Variants in NFRKB observed in about 807,000 individuals in gnomAD.
NFRKB encodes nuclear factor related to kappaB binding protein.
In NFRKB, 62 loss-of-function variants were observed where a neutral mutation model predicts 135.7. The observed-to-expected ratio is 0.46, with a 90% CI of 0.37 to 0.56. NFRKB has a LOEUF of 0.56. NFRKB is among the 20% of genes least tolerant of loss of function. The probability of loss-of-function intolerance (pLI) is 0.00; values close to 1 mark genes in which losing one functional copy is unlikely to be tolerated. For synonymous variants in NFRKB, 678 were observed against 635.6 expected (o/e 1.07, Z -1.00); for missense variants, 1,545 against 1,662.0 (o/e 0.93, Z 1.22).
chr11:129,872,436 G>A (rs75160828), intron 23 of NFRKB, among the ~76,000 whole-genome samples: 1,629 of 152,218 alleles, frequency 0.011, 26 homozygotes, highest in African/African-American at 0.037. Flanking sequence ...AATGCTTAAC[G>A]CGGTGCAGGC....
In NFRKB at chr11:129,885,543, ATGG is replaced by A. The variant is rs1353981602; in HGVS notation, c.529_531del (p.Pro177del). 6.8e-6 allele frequency: 11 copies of A among 1,613,914 alleles called. No individual in the cohort carries two copies. Among genetic ancestry groups the A allele is most frequent in the Non-Finnish European group, 8.5e-6 (10 of 1,179,916 alleles). On this transcript the variant is annotated inframe_deletion, in exon 6 of 27. Transcript: ENST00000682444. The stretch of plus-strand genomic sequence containing the variant: ...CACTCCCGCTCCTCAGGTGTGCGGG[ATGG>A]TGAAGGGCGTTTCTGCCGGAAGGGA...
chr11:129,883,272 C>A, intron 8 of NFRKB, 66 bp from the exon 9 acceptor site: 3 of 1,167,564 alleles, frequency 2.6e-6, no homozygotes, highest in African/African-American at 3.0e-5. Flanking sequence ...GGTGACTTTG[C>A]CAATTTATGT....
At chr11:129,865,182 C>A (rs887425989) in intron 25 of NFRKB, 81 bp from the exon 26 acceptor site, 123 of 1,515,120 alleles carry the variant, frequency 8.1e-5, no homozygotes, top group Non-Finnish European at 1.1e-4. Context: ...TATTGAAGGA[C>A]AACAGGGAGG....
intron 7 of NFRKB, among the ~76,000 whole-genome samples, 184 bp from the exon 8 acceptor site, chr11:129,884,327 C>A (rs1234751055): frequency 6.6e-6 from 1 of 152,190 alleles, no homozygotes; most frequent in Non-Finnish European, 1.5e-5. Context: ...TATATGACTT[C>A]TGTGACTCAG....
rs761784413 is a variant in NFRKB, at chr11:129,869,758, G to A, written c.3267C>T (p.Arg1089=). Reference sequence around the variant, plus strand: ...GCATCACTCCCAGTCCCTGCACGATGCGGATCGTGGCAGCTGGTTTTGCTT... The same window carrying A: ...GCATCACTCCCAGTCCCTGCACGATACGGATCGTGGCAGCTGGTTTTGCTT... ...SSEAKPAATI[R]IVQGLGVMPP... Residue 1089 remains arginine (R), a synonymous_variant, in exon 24 of 27, where the codon CGC becomes CGT. Transcript: ENST00000682444. 4 of 1,614,268 alleles carry A rather than the reference G, an allele frequency of 2.5e-6. No individual in the cohort carries two copies. The Admixed American group carries it at 6.7e-5, about 27-fold the overall frequency.
chr11:129,876,829 C>A lies in NFRKB; in HGVS notation c.1639G>T (p.Val547Leu). Residue 547 changes from valine (V) to leucine (L), a missense_variant, in exon 17 of 27, where the codon GTG becomes TTG. Coordinates refer to ENST00000682444, the MANE Select transcript of NFRKB (RefSeq NM_001143835.2). ...TFRMHGFESV[V>L]GPVKGVFDKE... ...TCAAACACGCCCTTCACTGGCCCCA[C>A]CACAGACTCAAAGCCGTGCATGCGA... The A allele has an allele frequency of 6.2e-7, 1 of 1,614,172 alleles. No individual in the cohort carries two copies. The highest frequency in any genetic ancestry group is 8.5e-7 in the Non-Finnish European group (1 of 1,180,024).
chr11:129,878,344 T>C lies in NFRKB; in HGVS notation c.1476A>G (p.Glu492=). 1 of 1,614,250 alleles carries C rather than the reference T, an allele frequency of 6.2e-7. No homozygotes were observed. Among genetic ancestry groups the C allele is most frequent in the Non-Finnish European group, 8.5e-7 (1 of 1,180,044 alleles). Residue 492 remains glutamate (E), a synonymous_variant, in exon 15 of 27, where the codon GAA becomes GAG. Transcript: ENST00000682444. Reference sequence around the variant, plus strand: ...CAGGTGTTGTGGCATCTGAGCTGTCTTCATTTTCTTGCTGGAGAAAAAGAA... The same window carrying C: ...CAGGTGTTGTGGCATCTGAGCTGTCCTCATTTTCTTGCTGGAGAAAAAGAA... ...KDQAFCKQEN[E]DSSDATTPVP...
chr11:129,865,127 TATA>T (rs1565383533), intron 25 of NFRKB, 26 bp from the exon 26 acceptor site: 7 of 1,597,366 alleles, frequency 4.4e-6, no homozygotes, highest in South Asian at 2.2e-5. Flanking sequence ...AGGGGTGAGA[TATA>T]ATGATATCGA....
chr11:129,874,716 A>G lies in NFRKB; in HGVS notation c.1978+77T>C. 1.9e-6 allele frequency: 3 copies of G among 1,610,916 alleles called. No homozygotes were observed. Among genetic ancestry groups the G allele is most frequent in the East Asian group, 2.2e-5 (1 of 44,842 alleles). ...TCTTGTCCTACCTATATGCCAATGA[A>G]AAGAATAATGGAATTGGGGTAGAAA... On this transcript the variant is annotated intron_variant, in intron 19 of 26. Transcript: ENST00000682444. This position sits in a 1 kb window ranked among gnomAD's most constrained non-coding sequence, Gnocchi z 4.5.
chr11:129,874,469 C>A lies in NFRKB; in HGVS notation c.2058+32G>T. ...TCTTAGTTGCCTCCATCCCAGAATC[C>A]CTAGGGCAGACACTCTCCTGAAGTC... On this transcript the variant is annotated intron_variant, in intron 20 of 26. Coordinates refer to ENST00000682444, the MANE Select transcript of NFRKB (RefSeq NM_001143835.2). This position sits in a 1 kb window ranked among gnomAD's most constrained non-coding sequence, Gnocchi z 4.5. 1 of 1,604,092 alleles carries A rather than the reference C, an allele frequency of 6.2e-7. No homozygotes were observed. Among genetic ancestry groups the A allele is most frequent in the Non-Finnish European group, 8.5e-7 (1 of 1,176,138 alleles).
In NFRKB at chr11:129,885,618, A is replaced by G. The variant is rs1225910799; in HGVS notation, c.466-9T>C. 5 of 1,601,116 alleles carry G rather than the reference A, an allele frequency of 3.1e-6. No individual in the cohort carries two copies. In the East Asian group the frequency reaches 1.1e-4, roughly 36 times the overall value. ...GCCATCTCCAGCAGATCCTAGGTAG[A>G]GATCAGGTGGGGGTACAAGTCATCA... is the stretch of plus-strand genomic sequence containing the variant. On this transcript the variant is annotated splice_polypyrimidine_tract_variant and intron_variant, in intron 5 of 26. Coordinates refer to ENST00000682444, the MANE Select transcript of NFRKB (RefSeq NM_001143835.2).
chr11:129,882,345 T>G (rs1034387633), intron 10 of NFRKB, 106 bp downstream of exon 10: 6 of 1,403,694 alleles, frequency 4.3e-6, no homozygotes, highest in Non-Finnish European at 4.9e-6. Context: ...ACTTCAGGTC[T>G]ACAAGTCCAA....
Position 129,882,559 on chromosome 11 carries a change from G to C in NFRKB, c.974C>G (p.Thr325Arg). The change falls in exon 10 of 27, where the codon ACG becomes AGG. Residue 325 changes from threonine to arginine, a missense_variant. Coordinates refer to ENST00000682444, the MANE Select transcript of NFRKB (RefSeq NM_001143835.2). ...CAGGTCCTCTGCCTCTGATTTGATCGTTTTTATTTTCTTCTTCTTCTTTTC... is the reference window on the plus strand; with the variant it reads ...CAGGTCCTCTGCCTCTGATTTGATCCTTTTTATTTTCTTCTTCTTCTTTTC... Reference protein sequence around the residue: ...KEEKKKKKIKTIKSEAEDLAE... With the variant: ...KEEKKKKKIKRIKSEAEDLAE... 3.7e-6 allele frequency: 6 copies of C among 1,614,034 alleles called. No homozygotes were observed. The highest frequency in any genetic ancestry group is 5.1e-6 in the Non-Finnish European group (6 of 1,179,986).
chr11:129,870,391 T>G, intron 23 of NFRKB, 130 bp from the exon 24 acceptor site: 1 of 1,027,008 alleles, frequency 9.7e-7, no homozygotes, highest in Non-Finnish European at 1.4e-6. Context: ...TTTGCAAACA[T>G]TCACAGAAGT....
chr11:129,884,014 C>T (rs1949152525), intron 8 of NFRKB, 56 bp downstream of exon 8: 2 of 1,569,084 alleles, frequency 1.3e-6, no homozygotes, highest in South Asian at 1.1e-5. Flanking sequence ...CTCAGGACAG[C>T]CAATCCTGAG....
Position 129,888,884 on chromosome 11 carries a change from T to C in NFRKB, c.136-89A>G, listed in dbSNP as rs923902619. On this transcript the variant is annotated intron_variant, in intron 3 of 26. Transcript: ENST00000682444. ...TATACAAAACATTACATAATATACATAAGATTTACCAATTTAACCATTTTT... is the reference window on the plus strand; with the variant it reads ...TATACAAAACATTACATAATATACACAAGATTTACCAATTTAACCATTTTT... 17 of 941,116 alleles carry C rather than the reference T, an allele frequency of 1.8e-5. 1 individual carries two copies. In the Admixed American group the frequency reaches 4.3e-4, roughly 24 times the overall value. 58.3% of individuals were successfully genotyped at this position (941,116 alleles called of 1,614,324 possible). A position where few individuals can be genotyped will look rare whatever the true frequency, so the allele number is the denominator to read the frequency against.
intron 9 of NFRKB, 147 bp downstream of exon 9, chr11:129,882,975 T>C (rs982033794): frequency 1.3e-5 from 9 of 687,350 alleles, no homozygotes; most frequent in Non-Finnish European, 2.2e-5. Context: ...TTTACATTCA[T>C]TTCCCACCTG....
intron 3 of NFRKB, among the ~76,000 whole-genome samples, 199 bp downstream of exon 3, chr11:129,892,516 C>T (rs148059603): frequency 3.9e-5 from 6 of 152,138 alleles, no homozygotes; most frequent in East Asian, 1.9e-4. Flanking sequence ...ACATGCGGAA[C>T]GTAGCTTGTT....
rs1236041726 is a variant in NFRKB, at chr11:129,864,514, C to T, written c.*211G>A. On this transcript the variant is annotated 3_prime_UTR_variant, in exon 27 of 27. Transcript: ENST00000682444. ...TTCTCCTAGATTGGTAGAGAGCAGACCTTGGAACCCTGGAGTGAACCTTTC... is the reference window on the plus strand; with the variant it reads ...TTCTCCTAGATTGGTAGAGAGCAGATCTTGGAACCCTGGAGTGAACCTTTC... 8 of 584,740 alleles carry T rather than the reference C, an allele frequency of 1.4e-5. No homozygotes were observed. The Admixed American group carries it at 2.4e-4, about 18-fold the overall frequency. The allele number at this position is 584,740 out of a possible 1,614,324, so 36.2% of individuals were successfully genotyped here.
Sources: allele counts gnomAD v4.1 joint callset (sites outside exome capture counted in the v4.1 genomes callset), GRCh38; gene constraint gnomAD v4.1.1; non-coding constraint Gnocchi (gnomAD v3.1); transcripts MANE v1.5; gene names NCBI Gene and HGNC (gene_info 2026-07-23, HGNC 2026-07-21).